Variants in MCU observed in about 807,000 individuals in gnomAD.
MCU encodes the protein mitochondrial calcium uniporter.
MCU carries 12 observed loss-of-function variants against 45.2 expected under a neutral mutation model. The ratio of observed to expected loss-of-function variants is 0.27; its 90% confidence interval spans 0.17 to 0.43. The LOEUF (loss-of-function observed/expected upper bound fraction) is 0.43. Ranked by LOEUF, MCU falls within the 20% of genes least tolerant of loss-of-function variation. The pLI is 1.00. For missense variants in MCU, 324 were observed against 436.7 expected (o/e 0.74, Z 2.30); for synonymous variants, 160 against 165.1 (o/e 0.97, Z 0.24).
chr10:72,859,388 T>G, intron 3 of MCU, 41 bp downstream of exon 3: 1 of 1,543,728 alleles, frequency 6.5e-7, no homozygotes, highest in South Asian at 1.2e-5. Context: ...TATCCCTCAT[T>G]TCACCCCACA....
intron 1 of MCU, among the ~76,000 whole-genome samples, chr10:72,816,821 T>C (rs1359983576): frequency 6.6e-6 from 1 of 152,154 alleles, no homozygotes. Flanking sequence ...TACAAAAGAA[T>C]CTTCTGGACA....
chr10:72,875,448 C>T (rs982991149), intron 6 of MCU, among the ~76,000 whole-genome samples: 5 of 152,232 alleles, frequency 3.3e-5, no homozygotes, highest in Admixed American at 3.3e-4. Flanking sequence ...AGTCTTGCTG[C>T]CCCCAAGTGA....
intron 1 of MCU, among the ~76,000 whole-genome samples, chr10:72,721,790 C>G (rs1204536151): frequency 6.6e-6 from 1 of 152,062 alleles, no homozygotes; most frequent in Non-Finnish European, 1.5e-5. Context: ...TGATGCATTA[C>G]TGCTATTTCT....
intron 1 of MCU, among the ~76,000 whole-genome samples, chr10:72,768,136 A>C (rs1242376807): frequency 6.6e-6 from 1 of 152,170 alleles, no homozygotes; most frequent in African/African-American, 2.4e-5. Flanking sequence ...AAAACAAACA[A>C]AAGACTTTTT....
At chr10:72,819,312 C>T (rs1048392418) in intron 1 of MCU, among the ~76,000 whole-genome samples, 6 of 152,140 alleles carry the variant, frequency 3.9e-5, no homozygotes, top group Non-Finnish European at 7.3e-5. Flanking sequence ...AGAAGAGGGG[C>T]GAGAACAGAT....
Position 72,850,994 on chromosome 10 carries a change from T to G in MCU, c.221-8183T>G, listed in dbSNP as rs1422818808. On this transcript the variant is annotated intron_variant, in intron 2 of 7. Coordinates refer to ENST00000373053, the MANE Select transcript of MCU (RefSeq NM_138357.3). The stretch of plus-strand genomic sequence containing the variant: ...ACAGCCAGCTGTTTATTGTTTATAT[T>G]GTGAAACTTGAGGAACCTTGGCAAT... 2.0e-5 allele frequency among the ~76,000 whole-genome samples: 3 copies of G among 152,234 alleles called. No individual in the cohort carries two copies. The East Asian group carries it at 5.8e-4, about 29-fold the overall frequency.
At chr10:72,791,397 C>T (rs1844158098) in intron 1 of MCU, among the ~76,000 whole-genome samples, 1 of 152,158 alleles carries the variant, frequency 6.6e-6, no homozygotes, top group African/African-American at 2.4e-5. Context: ...GATTTTTACT[C>T]TCTTCACAAC....
At chr10:72,720,568 C>T (rs1445346399) in intron 1 of MCU, among the ~76,000 whole-genome samples, 1 of 152,192 alleles carries the variant, frequency 6.6e-6, no homozygotes. Flanking sequence ...AGGCACAGCT[C>T]AAGTCCTATC....
At chr10:72,884,241 T>C in intron 6 of MCU, 25 bp from the exon 7 acceptor site, 1 of 1,364,270 alleles carries the variant, frequency 7.3e-7, no homozygotes, top group Non-Finnish European at 1.0e-6. Flanking sequence ...TAAGGACTGA[T>C]AATTCCGTTT....
At chr10:72,736,842 T>C (rs60779851) in intron 1 of MCU, among the ~76,000 whole-genome samples, 5,886 of 152,328 alleles carry the variant, frequency 0.039, 391 homozygotes, top group African/African-American at 0.13. Flanking sequence ...TGGACAATCT[T>C]GGACATTGTT....
At chr10:72,869,257 C>T (rs185863205) in intron 5 of MCU, among the ~76,000 whole-genome samples, 478 of 152,306 alleles carry the variant, frequency 3.1e-3, no homozygotes, top group African/African-American at 0.011. Context: ...TAACCAACCT[C>T]AGAGAGAAGA....
chr10:72,720,983 T>G (rs1453216154), intron 1 of MCU: 1 of 152,896 alleles, frequency 6.5e-6, no homozygotes, highest in Non-Finnish European at 1.5e-5. Context: ...TAGTAATTGT[T>G]GCTACATACT....
At chr10:72,880,004 C>A (rs983896116) in intron 6 of MCU, among the ~76,000 whole-genome samples, 5 of 152,142 alleles carry the variant, frequency 3.3e-5, no homozygotes, top group Non-Finnish European at 7.3e-5. Flanking sequence ...ACCGAGATCA[C>A]GCCACTGCAC....
rs113328482 is a variant in MCU, at chr10:72,756,048, G to T, written c.150+63747G>T. 8.0e-3 allele frequency among the ~76,000 whole-genome samples: 1,221 copies of T among 152,106 alleles called. 17 individuals are homozygous for T. The highest frequency in any genetic ancestry group is 0.028 in the African/African-American group (1,150 of 41,492). On this transcript the variant is annotated intron_variant, in intron 1 of 7. Transcript: ENST00000373053. ...ACATGTTTTGTAGAGACAAGGTCTC[G>T]CTTTGTTGCCCAAGTGGGTCTCGAA...
intron 6 of MCU, among the ~76,000 whole-genome samples, chr10:72,875,780 ACCT>A (rs2132892299): frequency 6.6e-6 from 1 of 152,342 alleles, no homozygotes; most frequent in East Asian, 1.9e-4. Flanking sequence ...TTTCAGTAGA[ACCT>A]GAGTACTGAT....
At chr10:72,861,869 TTAAA>T (rs1184151032) in intron 4 of MCU, 1 of 290,298 alleles carries the variant, frequency 3.4e-6, no homozygotes, top group Non-Finnish European at 6.7e-6. Context: ...GAACAAAATT[TTAAA>T]TAAAGACAGA....
intron 4 of MCU, among the ~76,000 whole-genome samples, chr10:72,863,156 CCT>C (rs1171015799): frequency 6.6e-6 from 1 of 152,120 alleles, no homozygotes; most frequent in Non-Finnish European, 1.5e-5. Flanking sequence ...CTTCCTAACC[CCT>C]GTTTTCTCAA....
At chr10:72,828,417 T>C (rs1051508402) in intron 1 of MCU, among the ~76,000 whole-genome samples, 2 of 152,192 alleles carry the variant, frequency 1.3e-5, no homozygotes, top group African/African-American at 4.8e-5. Flanking sequence ...AAGATTTTCT[T>C]AAAGGGAACT....
intron 6 of MCU, among the ~76,000 whole-genome samples, chr10:72,875,790 T>A (rs903020019): frequency 2.6e-5 from 4 of 152,230 alleles, no homozygotes; most frequent in Non-Finnish European, 5.9e-5. Flanking sequence ...ACCTGAGTAC[T>A]GATTTCTATT....
Sources: gnomAD v4.1 joint callset for allele counts (sites outside exome capture counted in the v4.1 genomes callset) on GRCh38, gnomAD v4.1.1 for gene constraint, MANE v1.5 for transcripts, NCBI Gene and HGNC (gene_info 2026-07-23, HGNC 2026-07-21) for gene names.